The following DUX4 variants were observed in gnomAD, a reference collection of about 807,000 sequenced individuals.
DUX4 encodes double homeobox protein 4.
chr4:190,176,327 T>A (rs1480160700), downstream of DUX4, among the ~76,000 whole-genome samples: 27 of 81,130 alleles, frequency 3.3e-4, no homozygotes, highest in East Asian at 1.7e-3. Context: ...CTTAGACAAG[T>A]GTTACATCAC....
At chr4:190,179,781 A>ATTC (rs1742511249), downstream of DUX4, among the ~76,000 whole-genome samples, 1 of 17,556 alleles carries the variant, frequency 5.7e-5, no homozygotes, top group African/African-American at 2.3e-4. Flanking sequence ...ATATGTCAAA[A>ATTC]TGCCCCTGTA....
chr4:190,178,999 T>A (rs1579834989), downstream of DUX4, among the ~76,000 whole-genome samples: 11 of 141,828 alleles, frequency 7.8e-5, no homozygotes, highest in South Asian at 4.7e-4. Flanking sequence ...AAAAGCCCCA[T>A]CACCTGGATG....
At chr4:190,177,147 G>GACTTACAT (rs1742344908), downstream of DUX4, among the ~76,000 whole-genome samples, 1 of 151,644 alleles carries the variant, frequency 6.6e-6, no homozygotes. Flanking sequence ...GAGTGGACAA[G>GACTTACAT]AGTTACATCA....
At chr4:190,175,878 G>C (rs1253372811), downstream of DUX4, 1 of 136,850 alleles carries the variant, frequency 7.3e-6, no homozygotes, top group African/African-American at 2.6e-5. Flanking sequence ...TGAGTGCAGA[G>C]ATATGTCACA....
At chr4:190,176,101 T>C (rs1287188612), downstream of DUX4, among the ~76,000 whole-genome samples, 1 of 112,406 alleles carries the variant, frequency 8.9e-6, no homozygotes, top group African/African-American at 2.6e-5. Context: ...TAAAGCCTCC[T>C]GTAGGCAGAG....
chr4:190,179,795 A>AGATTCCCCTGTGGACG (rs1213740323), downstream of DUX4, among the ~76,000 whole-genome samples: 1 of 146,494 alleles, frequency 6.8e-6, no homozygotes, highest in Non-Finnish European at 1.5e-5. Context: ...CCCTGTAGGC[A>AGATTCCCCTGTGGACG]AGCCTACACA....
chr4:190,180,125 G>C (rs1315969631), downstream of DUX4, among the ~76,000 whole-genome samples: 2,665 of 3,524 alleles, frequency 0.76, 925 homozygotes, highest in Middle Eastern at 0.83. Context: ...TGACAATGCC[G>C]CCAGTAGGCA....
chr4:190,183,120 G>A (rs1480152097), intron 1 of DUX4: 1 of 49,100 alleles, frequency 2.0e-5, no homozygotes, highest in African/African-American at 3.9e-5. Flanking sequence ...TTAGGTTTTA[G>A]GGTTAAGGTT....
At chr4:190,177,369 T>TGA (rs2126567995), downstream of DUX4, among the ~76,000 whole-genome samples, 1 of 135,890 alleles carries the variant, frequency 7.4e-6, no homozygotes. Context: ...ATCACCTGGG[T>TGA]TATCAGTGCA....
chr4:190,181,142 T>A (rs1742547887), intron 1 of DUX4, among the ~76,000 whole-genome samples: 1 of 78,198 alleles, frequency 1.3e-5, no homozygotes, highest in African/African-American at 5.7e-5. Flanking sequence ...AGTGCAGAGA[T>A]CTGTCACAAT....
At chr4:190,182,254 A>AGGGTGAGGGTGAGGG (rs1742608439) in intron 1 of DUX4, 3 of 93,570 alleles carry the variant, frequency 3.2e-5, no homozygotes, top group African/African-American at 7.0e-5. Context: ...TAGGGTGAGC[A>AGGGTGAGGGTGAGGG]TTAGGTTTAG....
downstream of DUX4, among the ~76,000 whole-genome samples, chr4:190,178,251 ACC>A (rs1742413078): frequency 8.3e-6 from 1 of 120,034 alleles, no homozygotes; most frequent in African/African-American, 3.0e-5. Flanking sequence ...GAGTTGCATC[ACC>A]TGGGTGATCA....
At chr4:190,177,773 T>A (rs1742385393), downstream of DUX4, among the ~76,000 whole-genome samples, 1,555 of 133,302 alleles carry the variant, frequency 0.012, no homozygotes, top group Admixed American at 0.015. Flanking sequence ...TCCCATCACC[T>A]GGGTGATCAG....
chr4:190,183,107 G>T (rs1371769296), intron 1 of DUX4: 2 of 45,936 alleles, frequency 4.4e-5, no homozygotes, highest in African/African-American at 8.1e-5. Context: ...GTTAGGGTTA[G>T]GGTTAGGTTT....
At chr4:190,177,587 GTT>G (rs1742376556), downstream of DUX4, among the ~76,000 whole-genome samples, 11 of 73,930 alleles carry the variant, frequency 1.5e-4, no homozygotes, top group South Asian at 9.4e-4. Flanking sequence ...TCATTGCAGA[GTT>G]ATGTCACTAT....
At chr4:190,181,186 T>A (rs1742551004) in intron 1 of DUX4, among the ~76,000 whole-genome samples, 3,137 of 125,748 alleles carry the variant, frequency 0.025, no homozygotes, top group Non-Finnish European at 0.029. Flanking sequence ...TAGAGTTACA[T>A]CACCTGGGTG....
chr4:190,181,583 C>A (rs1742583926), intron 1 of DUX4, among the ~76,000 whole-genome samples: 122 of 16,140 alleles, frequency 7.6e-3, no homozygotes, highest in Admixed American at 9.8e-3. Context: ...AGAGCCTAGT[C>A]AAGCGTTACA....
downstream of DUX4, among the ~76,000 whole-genome samples, chr4:190,177,952 C>G (rs2126570828): frequency 1.7e-4 from 23 of 138,764 alleles, no homozygotes; most frequent in African/African-American, 4.0e-4. Flanking sequence ...CTCCAGTAGG[C>G]AGAGCCTAGA....
downstream of DUX4, among the ~76,000 whole-genome samples, chr4:190,176,019 T>TG (rs1742288018): frequency 9.0e-6 from 1 of 110,768 alleles, no homozygotes; most frequent in African/African-American, 2.6e-5. Context: ...TGTAGAGATA[T>TG]GTTAAAATTC....
Sources: gnomAD v4.1 joint callset for allele counts (sites outside exome capture counted in the v4.1 genomes callset) on GRCh38, gnomAD v4.1.1 for gene constraint, MANE v1.5 for transcripts, NCBI Gene and HGNC (gene_info 2026-07-23, HGNC 2026-07-21) for gene names.